The following CACNA2D2 variants were observed in gnomAD, a reference collection of about 807,000 sequenced individuals.
CACNA2D2 encodes voltage-dependent calcium channel subunit alpha-2/delta-2.
Under a neutral mutation model 166.4 loss-of-function variants are expected in CACNA2D2, and 48 were observed. The ratio of observed to expected loss-of-function variants is 0.29; its 90% confidence interval spans 0.23 to 0.37. The LOEUF is 0.37. Ranked by LOEUF, CACNA2D2 falls within the 10% of genes least tolerant of loss-of-function variation. The probability of loss-of-function intolerance (pLI) is 1.00; values close to 1 mark genes in which losing one functional copy is unlikely to be tolerated. For synonymous variants in CACNA2D2, 561 were observed against 573.7 expected, an observed-to-expected ratio of 0.98 and a Z score of 0.32; for missense variants, 1,122 against 1,433.0, an observed-to-expected ratio of 0.78 and a Z score of 3.50.
chr3:50,444,978 A>C (rs1031549360), intron 2 of CACNA2D2, among the ~76,000 whole-genome samples: 1 of 152,206 alleles, frequency 6.6e-6, no homozygotes, highest in Non-Finnish European at 1.5e-5. Context: ...AGCCCCTTGC[A>C]GATCTTGCTC....
At chr3:50,373,469 G>C (rs866463874) in intron 22 of CACNA2D2, among the ~76,000 whole-genome samples, 1 of 133,600 alleles carries the variant, frequency 7.5e-6, no homozygotes, top group Admixed American at 7.5e-5. Flanking sequence ...ACAGGCAGAG[G>C]AGTGGGAGAG....
Position 50,364,872 on chromosome 3 carries a change from C to A in CACNA2D2, c.3291+16G>T, listed in dbSNP as rs143845866. 985 of 1,613,356 alleles carry A rather than the reference C, an allele frequency of 6.1e-4. No homozygotes were observed. Among genetic ancestry groups the A allele is most frequent in the Non-Finnish European group, 7.8e-4 (925 of 1,179,916 alleles). ...CAAGGCCGCGGGATTTCGGGTCCAC[C>A]GCCCCCTCTCCTCACTGTCGCGTTG... is the stretch of plus-strand genomic sequence containing the variant. On this transcript the variant is annotated intron_variant, in intron 37 of 37. Transcript: ENST00000424201.
chr3:50,491,347 A>G (rs1388496342), intron 1 of CACNA2D2, among the ~76,000 whole-genome samples: 1 of 152,200 alleles, frequency 6.6e-6, no homozygotes, highest in Non-Finnish European at 1.5e-5. Context: ...AGACTATCAC[A>G]GTGAGGCTAA....
At chr3:50,488,071 T>G (rs1698364841) in intron 1 of CACNA2D2, among the ~76,000 whole-genome samples, 1 of 152,114 alleles carries the variant, frequency 6.6e-6, no homozygotes, top group Admixed American at 6.5e-5. Context: ...GGAAGGGGCC[T>G]GACCTGGCCT....
chr3:50,366,008 C>T lies in CACNA2D2; in HGVS notation c.2862+3G>A. 2 of 1,611,856 alleles carry T rather than the reference C, an allele frequency of 1.2e-6. No homozygotes were observed. The highest frequency in any genetic ancestry group is 1.7e-6 in the Non-Finnish European group (2 of 1,179,268). On this transcript the variant is annotated splice_donor_region_variant and intron_variant, in intron 32 of 37. Transcript: ENST00000424201. The surrounding 1 kb of genome is among the most constrained non-coding windows in gnomAD (Gnocchi z 5.9). Reference sequence around the variant, plus strand: ...TCCAGTCCAGGCATCTCTGGGGACTCACCACAAAGACACCCCGGGGTGCAG... The same window carrying T: ...TCCAGTCCAGGCATCTCTGGGGACTTACCACAAAGACACCCCGGGGTGCAG...
chr3:50,385,057 C>T (rs779152156), intron 5 of CACNA2D2, among the ~76,000 whole-genome samples: 33 of 152,234 alleles, frequency 2.2e-4, no homozygotes, highest in African/African-American at 7.0e-4. Flanking sequence ...TGGCATCTCA[C>T]GGCCGGGCAG....
Position 50,366,975 on chromosome 3 carries a change from A to G in CACNA2D2, c.2500+36T>C, listed in dbSNP as rs1490180838. On this transcript the variant is annotated intron_variant, in intron 28 of 37. Transcript: ENST00000424201. The surrounding 1 kb of genome is among the most constrained non-coding windows in gnomAD (Gnocchi z 5.9). ...TACCTGCCCAGGCAGTACCCTGTCC[A>G]TTGCCTGTTTCCCCACCTCTGTCCC... is the stretch of plus-strand genomic sequence containing the variant. The G allele has an allele frequency of 6.2e-7, 1 of 1,612,986 alleles. No homozygotes were observed. Among genetic ancestry groups the G allele is most frequent in the Non-Finnish European group, 8.5e-7 (1 of 1,179,468 alleles).
At chr3:50,386,636 C>G (rs587652656) in intron 5 of CACNA2D2, among the ~76,000 whole-genome samples, 4 of 152,210 alleles carry the variant, frequency 2.6e-5, no homozygotes, top group Non-Finnish European at 5.9e-5. Flanking sequence ...GGATCCTGCA[C>G]AGGGATCCTT....
At chr3:50,406,676 C>T (rs1028031796) in intron 3 of CACNA2D2, among the ~76,000 whole-genome samples, 7 of 151,754 alleles carry the variant, frequency 4.6e-5, no homozygotes, top group African/African-American at 1.2e-4. Context: ...ATCCCCATCA[C>T]CATAGTCATC....
intron 6 of CACNA2D2, among the ~76,000 whole-genome samples, chr3:50,382,294 C>T (rs1043314604): frequency 6.6e-6 from 1 of 152,166 alleles, no homozygotes; most frequent in African/African-American, 2.4e-5. Context: ...GCCCAGCCAC[C>T]GTCACCCCGT....
At chr3:50,437,050 A>AT (rs1708383980) in intron 2 of CACNA2D2, among the ~76,000 whole-genome samples, 1 of 152,174 alleles carries the variant, frequency 6.6e-6, no homozygotes, top group Non-Finnish European at 1.5e-5. Context: ...TGGCAAATGC[A>AT]TATGCTGGAT....
At position 50,380,597 on chromosome 3, in the gene CACNA2D2, C is replaced by T; in HGVS notation, c.842+151G>A. On this transcript the variant is annotated intron_variant, in intron 8 of 37. Transcript: ENST00000424201. This position sits in a 1 kb window ranked among gnomAD's most constrained non-coding sequence, Gnocchi z 4.9. ...GGAGGCCTGCCTGGGTGATGGGATC[C>T]ATTTTCCAGTGGCAACCATGTGTGA... The T allele has an allele frequency of 1.5e-6, 1 of 659,324 alleles. No homozygotes were observed. The highest frequency in any genetic ancestry group is 2.5e-6 in the Non-Finnish European group (1 of 395,014). The allele number at this position is 659,324 out of a possible 1,614,324, so 40.8% of individuals were successfully genotyped here.
chr3:50,440,682 G>A (rs1346519442), intron 2 of CACNA2D2, among the ~76,000 whole-genome samples: 2 of 152,140 alleles, frequency 1.3e-5, no homozygotes, highest in African/African-American at 2.4e-5. Context: ...CTGGGTGGGC[G>A]GCCCATTAAT....
chr3:50,372,468 C>G (rs1704705972), intron 22 of CACNA2D2, among the ~76,000 whole-genome samples: 1 of 152,238 alleles, frequency 6.6e-6, no homozygotes, highest in Admixed American at 6.5e-5. Context: ...CAGCCCTGCT[C>G]TTCAATGGCT....
At chr3:50,481,266 G>A (rs111491642) in intron 1 of CACNA2D2, among the ~76,000 whole-genome samples, 4 of 152,114 alleles carry the variant, frequency 2.6e-5, no homozygotes, top group Non-Finnish European at 5.9e-5. Context: ...GAAGGGTCAA[G>A]GCCTGGTAGG....
intron 3 of CACNA2D2, among the ~76,000 whole-genome samples, chr3:50,417,679 C>T (rs1477152335): frequency 6.6e-6 from 1 of 152,196 alleles, no homozygotes; most frequent in African/African-American, 2.4e-5. Context: ...TGTGCAGGCT[C>T]CAGGTTTGCA....
At chr3:50,453,464 T>A (rs1709200362) in intron 2 of CACNA2D2, among the ~76,000 whole-genome samples, 1 of 152,212 alleles carries the variant, frequency 6.6e-6, no homozygotes, top group African/African-American at 2.4e-5. Context: ...AAGAAAACCC[T>A]GTCACGGGGG....
At chr3:50,372,797 A>G (rs1704725881) in intron 22 of CACNA2D2, among the ~76,000 whole-genome samples, 1 of 151,900 alleles carries the variant, frequency 6.6e-6, no homozygotes, top group Non-Finnish European at 1.5e-5. Context: ...GCCTCCCCAG[A>G]GAGAGTGAGG....
chr3:50,451,491 G>A (rs988743168), intron 2 of CACNA2D2, among the ~76,000 whole-genome samples: 1 of 151,956 alleles, frequency 6.6e-6, no homozygotes, highest in African/African-American at 2.4e-5. Context: ...CAGTCATCCT[G>A]AAGTTCAGGC....
Sources: allele counts gnomAD v4.1 joint callset (sites outside exome capture counted in the v4.1 genomes callset), GRCh38; gene constraint gnomAD v4.1.1; non-coding constraint Gnocchi (gnomAD v3.1); transcripts MANE v1.5; gene names NCBI Gene and HGNC (gene_info 2026-07-23, HGNC 2026-07-21).